Variants in KLF7 observed in about 807,000 individuals in gnomAD.
The protein encoded by KLF7 is KLF transcription factor 7, also known as Krueppel-like factor 7.
A neutral mutation model predicts 27.3 loss-of-function variants in KLF7; 2 were observed. The observed-to-expected ratio is 0.07, with a 90% CI of 0.03 to 0.23. The LOEUF is 0.23. Among genes scored for constraint, KLF7 ranks in the 10% least tolerant of loss-of-function variants. The pLI is 1.00. For synonymous variants in KLF7, 165 were observed against 162.4 expected, an observed-to-expected ratio of 1.02 and a Z score of -0.12; for missense variants, 221 against 394.1, an observed-to-expected ratio of 0.56 and a Z score of 3.72.
chr2:207,141,689 T>C (rs10181757), intron 1 of KLF7, among the ~76,000 whole-genome samples: 26,444 of 152,062 alleles, frequency 0.17, 2,593 homozygotes, highest in Middle Eastern at 0.24. Flanking sequence ...ATTAAAAAGT[T>C]AGAGTGCGTG....
chr2:207,152,298 C>CGCGT (rs1186279916), intron 1 of KLF7, among the ~76,000 whole-genome samples: 41 of 61,142 alleles, frequency 6.7e-4, no homozygotes, highest in African/African-American at 1.5e-3. Flanking sequence ...CACACACACA[C>CGCGT]ACACACACAC....
intron 1 of KLF7, among the ~76,000 whole-genome samples, chr2:207,133,365 A>G (rs537809557): frequency 6.6e-6 from 1 of 152,324 alleles, no homozygotes; most frequent in South Asian, 2.1e-4. Flanking sequence ...ACTGAAAGTG[A>G]GATTTAAGAA....
chr2:207,134,174 TTA>T, intron 1 of KLF7: 2 of 1,446,520 alleles, frequency 1.4e-6, no homozygotes, highest in South Asian at 1.3e-5. Flanking sequence ...TTTTTTTTTT[TTA>T]AAGCAAACTC....
chr2:207,096,916 C>T (rs921353883), intron 2 of KLF7, among the ~76,000 whole-genome samples: 11 of 152,168 alleles, frequency 7.2e-5, no homozygotes, highest in African/African-American at 2.4e-4. Flanking sequence ...ATAAGCAGTC[C>T]TCTAGCAACA....
At chr2:207,102,228 C>T (rs2076784004) in intron 2 of KLF7, among the ~76,000 whole-genome samples, 1 of 151,334 alleles carries the variant, frequency 6.6e-6, no homozygotes, top group Non-Finnish European at 1.5e-5. Flanking sequence ...GTAGAAACAC[C>T]CCCACACAAT....
intron 1 of KLF7, among the ~76,000 whole-genome samples, chr2:207,128,600 G>C (rs2077542251): frequency 6.6e-6 from 1 of 152,144 alleles, no homozygotes; most frequent in Non-Finnish European, 1.5e-5. Flanking sequence ...AAACCTGGAA[G>C]AAACCACCTT....
intron 1 of KLF7, among the ~76,000 whole-genome samples, chr2:207,146,065 G>T (rs2078088391): frequency 6.6e-6 from 1 of 152,218 alleles, no homozygotes; most frequent in South Asian, 2.1e-4. Context: ...GATGGACCCT[G>T]CTCCAGCAAG....
intron 1 of KLF7, among the ~76,000 whole-genome samples, chr2:207,145,771 A>G (rs1392198849): frequency 2.6e-5 from 4 of 152,130 alleles, no homozygotes; most frequent in Admixed American, 6.5e-5. Context: ...GTTCCACAAG[A>G]GCATGGGCAA....
intron 2 of KLF7, among the ~76,000 whole-genome samples, chr2:207,091,323 C>G (rs2076505669): frequency 6.6e-6 from 1 of 152,208 alleles, no homozygotes; most frequent in Non-Finnish European, 1.5e-5. Flanking sequence ...CAAACCAACT[C>G]TCCAACCCAG....
intron 3 of KLF7, among the ~76,000 whole-genome samples, chr2:207,086,428 GA>G (rs1485298718): frequency 6.6e-6 from 1 of 152,142 alleles, no homozygotes; most frequent in Admixed American, 6.5e-5. Context: ...TGATGCTGTC[GA>G]AAATGCACTA....
intron 2 of KLF7, among the ~76,000 whole-genome samples, chr2:207,100,589 G>A (rs1475479853): frequency 2.0e-5 from 3 of 152,012 alleles, no homozygotes; most frequent in African/African-American, 4.8e-5. Flanking sequence ...TCCCTAGACA[G>A]CCCCCGCTCC....
At chr2:207,127,710 G>C (rs1457964084) in intron 1 of KLF7, among the ~76,000 whole-genome samples, 2 of 151,968 alleles carry the variant, frequency 1.3e-5, no homozygotes, top group Non-Finnish European at 2.9e-5. Flanking sequence ...AGGTGTGGTG[G>C]TGCGCACCTG....
intron 1 of KLF7, among the ~76,000 whole-genome samples, chr2:207,140,522 A>C (rs1377375246): frequency 6.6e-6 from 1 of 152,194 alleles, no homozygotes; most frequent in Non-Finnish European, 1.5e-5. Context: ...CAACAAGAGG[A>C]GTAAAAATAG....
rs1204523497 is a variant in KLF7, at chr2:207,074,743, C to T, written c.*6470G>A. On this transcript the variant is annotated 3_prime_UTR_variant, in exon 4 of 4. Transcript: ENST00000309446. Reference sequence around the variant, plus strand: ...TGCCTCCTTCTCTCGCCAAATAAACCGCTTTCAATAAGCCTCTCCCAACCC... The same window carrying T: ...TGCCTCCTTCTCTCGCCAAATAAACTGCTTTCAATAAGCCTCTCCCAACCC... 3 of 152,162 alleles carry T rather than the reference C, an allele frequency of 2.0e-5. No homozygotes were observed. Among genetic ancestry groups the T allele is most frequent in the African/African-American group, 4.8e-5 (2 of 41,424 alleles). The allele number at this position is 152,162 out of a possible 1,614,324, so 9.4% of individuals were successfully genotyped here.
intron 2 of KLF7, among the ~76,000 whole-genome samples, chr2:207,091,699 G>A (rs1177841055): frequency 1.3e-5 from 2 of 152,140 alleles, no homozygotes; most frequent in Admixed American, 1.3e-4. Context: ...TATATTTAGG[G>A]CACAGGAATT....
intron 1 of KLF7, chr2:207,134,153 G>GTTTTT: frequency 2.9e-4 from 376 of 1,295,094 alleles, no homozygotes; most frequent in Non-Finnish European, 3.4e-4. Flanking sequence ...GGGCTACTGG[G>GTTTTT]ATTTTTTTTT....
At chr2:207,111,534 C>T (rs2077037336) in intron 2 of KLF7, among the ~76,000 whole-genome samples, 1 of 152,188 alleles carries the variant, frequency 6.6e-6, no homozygotes, top group Admixed American at 6.5e-5. Context: ...TCGTCCTTTC[C>T]AATTCTGTCA....
rs562078086 is a variant in KLF7, at chr2:207,133,174, T to C, written c.103-8770A>G. Among the ~76,000 whole-genome samples, 88 of 152,324 alleles carry C rather than the reference T, an allele frequency of 5.8e-4. 1 individual carries two copies. The highest frequency in any genetic ancestry group is 6.8e-3 in the Middle Eastern group (2 of 294). On this transcript the variant is annotated intron_variant, in intron 1 of 3. Coordinates refer to ENST00000309446, the MANE Select transcript of KLF7 (RefSeq NM_003709.4). ...TGCCCTCATCTCCCAACCAGGCCCC[T>C]ATTCAGGTTGGCACTCACTGGTGGA...
chr2:207,099,689 G>A (rs947664746), intron 2 of KLF7, among the ~76,000 whole-genome samples: 2 of 150,348 alleles, frequency 1.3e-5, no homozygotes, highest in African/African-American at 4.9e-5. Context: ...TCCTAAATTT[G>A]TTTTAATTAA....
Sources: gnomAD v4.1 joint callset for allele counts (sites outside exome capture counted in the v4.1 genomes callset) on GRCh38, gnomAD v4.1.1 for gene constraint, MANE v1.5 for transcripts, NCBI Gene and HGNC (gene_info 2026-07-23, HGNC 2026-07-21) for gene names.